The following FHIT variants were observed in gnomAD, a reference collection of about 807,000 sequenced individuals.
The protein encoded by FHIT is bis(5'-adenosyl)-triphosphatase.
In FHIT, 19 loss-of-function variants were observed where a neutral mutation model predicts 17.9. That is an observed-to-expected ratio of 1.06 (90% CI 0.74 to 1.56). FHIT has a LOEUF of 1.56. FHIT is among the 40% of genes most tolerant of loss of function. FHIT has a pLI of 0.00. For synonymous variants in FHIT, 81 were observed against 69.7 expected (o/e 1.16, Z -0.81); for missense variants, 248 against 189.2 (o/e 1.31, Z -1.82).
intron 2 of FHIT, among the ~76,000 whole-genome samples, chr3:61,070,390 C>T (rs1485825111): frequency 6.6e-6 from 1 of 152,174 alleles, no homozygotes; most frequent in South Asian, 2.1e-4. Flanking sequence ...AGATGTTCAA[C>T]GTACTGTGTC....
At chr3:60,235,159 C>G (rs894104579) in intron 5 of FHIT, among the ~76,000 whole-genome samples, 2 of 151,944 alleles carry the variant, frequency 1.3e-5, no homozygotes. Flanking sequence ...CATATTGCAT[C>G]TTTCAACCAT....
At chr3:60,217,254 A>T (rs1285836901) in intron 5 of FHIT, among the ~76,000 whole-genome samples, 1 of 152,188 alleles carries the variant, frequency 6.6e-6, no homozygotes, top group Non-Finnish European at 1.5e-5. Flanking sequence ...TCATGGCCTA[A>T]TTTGATGTTT....
intron 5 of FHIT, among the ~76,000 whole-genome samples, chr3:60,373,024 A>T (rs1428079257): frequency 7.0e-6 from 1 of 142,404 alleles, no homozygotes. Context: ...GATTAAAATC[A>T]TATGAAATTT....
intron 5 of FHIT, among the ~76,000 whole-genome samples, chr3:60,233,510 C>T (rs1017460699): frequency 2.0e-5 from 3 of 152,140 alleles, no homozygotes; most frequent in African/African-American, 7.2e-5. Context: ...CTACCTAAAG[C>T]ACCTTCCCTC....
rs775821711 is a variant in FHIT, at chr3:60,088,240, C to A, written c.104-74088G>T. Reference sequence around the variant, plus strand: ...TCATGACGGATCTGCCTTCATGATCCGAACACCTCCCACCAGGCCCCACCT... The same window carrying A: ...TCATGACGGATCTGCCTTCATGATCAGAACACCTCCCACCAGGCCCCACCT... On this transcript the variant is annotated intron_variant, in intron 5 of 9. Transcript: ENST00000492590. Among the ~76,000 whole-genome samples, 27 of 152,144 alleles carry A rather than the reference C, an allele frequency of 1.8e-4. 1 individual carries two copies. Among genetic ancestry groups the A allele is most frequent in the Non-Finnish European group, 2.9e-5 (2 of 68,024 alleles).
chr3:60,974,917 C>G (rs1401637089), intron 3 of FHIT, among the ~76,000 whole-genome samples: 2 of 152,068 alleles, frequency 1.3e-5, no homozygotes, highest in East Asian at 3.9e-4. Context: ...CCTCACAGAG[C>G]TTAGTTATTT....
intron 3 of FHIT, among the ~76,000 whole-genome samples, chr3:60,858,644 G>A (rs1703483441): frequency 6.6e-6 from 1 of 152,092 alleles, no homozygotes; most frequent in Admixed American, 6.6e-5. Context: ...TTTGGTAAGT[G>A]CCTTATTATA....
At chr3:61,105,282 T>C (rs1410537964) in intron 2 of FHIT, among the ~76,000 whole-genome samples, 1 of 152,172 alleles carries the variant, frequency 6.6e-6, no homozygotes, top group East Asian at 1.9e-4. Flanking sequence ...AGGGTTTCAT[T>C]GTGGTACAAG....
chr3:61,069,567 T>C (rs1306692226), intron 2 of FHIT, among the ~76,000 whole-genome samples: 1 of 152,230 alleles, frequency 6.6e-6, no homozygotes, highest in African/African-American at 2.4e-5. Context: ...GTTCTCTGTA[T>C]TTTAATTCCT....
At chr3:59,924,434 C>T (rs1032210621) in intron 7 of FHIT, among the ~76,000 whole-genome samples, 1 of 152,298 alleles carries the variant, frequency 6.6e-6, no homozygotes, top group Admixed American at 6.5e-5. Context: ...CACAAACTAA[C>T]TGTGTGACCT....
chr3:60,534,439 CAAAAAAA>C (rs563992117), intron 5 of FHIT, among the ~76,000 whole-genome samples: 24 of 32,412 alleles, frequency 7.4e-4, no homozygotes, highest in Admixed American at 1.5e-3. Context: ...GACTCCGTCT[CAAAAAAA>C]AAAAAAAAAA....
At chr3:59,767,390 T>G (rs1701854717) in intron 8 of FHIT, among the ~76,000 whole-genome samples, 1 of 152,040 alleles carries the variant, frequency 6.6e-6, no homozygotes, top group East Asian at 1.9e-4. Context: ...TCCCAGTTAT[T>G]CGGGAGGCTG....
intron 4 of FHIT, among the ~76,000 whole-genome samples, chr3:60,663,153 G>GTGATATATAT (rs57146494): frequency 0.15 from 11,678 of 78,010 alleles, 2,953 homozygotes; most frequent in African/African-American, 0.31. Flanking sequence ...ATTGGGTGGA[G>GTGATATATAT]ATATATATCT....
At chr3:60,778,206 G>A (rs1172636692) in intron 4 of FHIT, among the ~76,000 whole-genome samples, 1 of 152,156 alleles carries the variant, frequency 6.6e-6, no homozygotes, top group African/African-American at 2.4e-5. Context: ...AGGTTTTTAT[G>A]TTAAGTTATA....
intron 2 of FHIT, among the ~76,000 whole-genome samples, chr3:61,063,894 T>C (rs1233341694): frequency 2.0e-5 from 3 of 152,230 alleles, no homozygotes; most frequent in Admixed American, 1.3e-4. Flanking sequence ...TGACGATGAC[T>C]TAGTTCCCTC....
chr3:61,099,004 C>T (rs891943573), intron 2 of FHIT, among the ~76,000 whole-genome samples: 4 of 152,164 alleles, frequency 2.6e-5, no homozygotes, highest in Admixed American at 2.6e-4. Context: ...TGCTGATTTT[C>T]AGTGGGAATG....
intron 7 of FHIT, among the ~76,000 whole-genome samples, chr3:59,939,880 T>G (rs1161833173): frequency 6.6e-6 from 1 of 152,166 alleles, no homozygotes; most frequent in Admixed American, 6.6e-5. Context: ...ATCCTCTAGC[T>G]GGCATGAATG....
rs183643145 is a variant in FHIT at position 60,703,198 on chromosome 3, T to C, written c.-18+118721A>G. On this transcript the variant is annotated intron_variant, in intron 4 of 9. Transcript: ENST00000492590. The stretch of plus-strand genomic sequence containing the variant: ...CAGAGACTGGAGTAATGTGTCTGCA[T>C]GCCAAGAAATGCCAAGGACTGTTGG... Among the ~76,000 whole-genome samples the C allele has an allele frequency of 2.2e-4, 33 of 152,298 alleles. 1 individual carries two copies. In the East Asian group the frequency reaches 6.2e-3, roughly 29 times the overall value.
At chr3:59,877,211 C>A (rs909555825) in intron 8 of FHIT, among the ~76,000 whole-genome samples, 8 of 152,184 alleles carry the variant, frequency 5.3e-5, no homozygotes, top group African/African-American at 1.7e-4. Context: ...CCCTTAAACT[C>A]CTTACTATTG....
Sources: gnomAD v4.1 joint callset for allele counts (sites outside exome capture counted in the v4.1 genomes callset) on GRCh38, gnomAD v4.1.1 for gene constraint, MANE v1.5 for transcripts, NCBI Gene and HGNC (gene_info 2026-07-23, HGNC 2026-07-21) for gene names.